Variants in VASP observed in about 807,000 individuals in gnomAD.
The protein encoded by VASP is vasodilator-stimulated phosphoprotein.
Under a neutral mutation model 54.4 loss-of-function variants are expected in VASP, and 27 were observed. The ratio of observed to expected loss-of-function variants is 0.50; its 90% CI spans 0.37 to 0.68. The LOEUF is 0.68. VASP is among the 30% of genes least tolerant of loss of function. VASP has a pLI of 0.00. For synonymous variants in VASP, 233 were observed against 209.8 expected (o/e 1.11, Z -0.96); for missense variants, 488 against 528.3 (o/e 0.92, Z 0.75).
intron 3 of VASP, among the ~76,000 whole-genome samples, chr19:45,518,940 T>C (rs1448861465): frequency 6.6e-6 from 1 of 152,228 alleles, no homozygotes; most frequent in East Asian, 1.9e-4. Flanking sequence ...CGCGTGATTC[T>C]CGTGCCTCAG....
At chr19:45,522,686 C>G (rs773369051) in intron 6 of VASP, 32 bp from the exon 7 acceptor site, 30 of 1,600,874 alleles carry the variant, frequency 1.9e-5, no homozygotes, top group Non-Finnish European at 2.6e-5. Flanking sequence ...AGGCCTGCCC[C>G]TAAAGCTCCT....
chr19:45,522,359 C>A lies in VASP; in HGVS notation c.498C>A (p.Pro166=), dbSNP rs201984100. The change falls in exon 6 of 13, where the codon CCC becomes CCA. Residue 166 remains proline (P), a synonymous_variant. Coordinates refer to ENST00000245932, the MANE Select transcript of VASP (RefSeq NM_003370.4). ...VSNAGGPPAP[P]AGGPPPPPGP... ...TTTCAGGAGGCCCACCTGCTCCCCC[C>A]GCTGGGGGTCCACCCCCACCACCAG... 1.9e-6 allele frequency: 3 copies of A among 1,574,404 alleles called. No homozygotes were observed. Among genetic ancestry groups the A allele is most frequent in the Non-Finnish European group, 2.6e-6 (3 of 1,160,038 alleles).
chr19:45,524,038 AGATTGATTGGGGG>A lies in VASP; in HGVS notation c.911-57_911-45del, dbSNP rs370953380. The A allele has an allele frequency of 3.1e-6, 5 of 1,611,236 alleles. No individual in the cohort carries two copies. The African/African-American group carries it at 6.7e-5, about 22-fold the overall frequency. On this transcript the variant is annotated intron_variant, in intron 9 of 12. Coordinates refer to ENST00000245932, the MANE Select transcript of VASP (RefSeq NM_003370.4). ...AGGGGCTGATGAGGTTGGGGGAGTAAGATTGATTGGGGGGCAGTCTTTTGTCCCTGATCTTTCT... is the reference window on the plus strand; with the variant it reads ...AGGGGCTGATGAGGTTGGGGGAGTAAGCAGTCTTTTGTCCCTGATCTTTCT...
intron 4 of VASP, 152 bp from the exon 5 acceptor site, chr19:45,522,016 C>G (rs1298506567): frequency 2.2e-6 from 2 of 920,430 alleles, no homozygotes; most frequent in Non-Finnish European, 3.2e-6. Flanking sequence ...CACCCAGCCC[C>G]CTTCTTGGTT....
chr19:45,507,513 C>A lies in VASP; in HGVS notation c.-259C>A, dbSNP rs895923212. 1 of 503,174 alleles carries A rather than the reference C, an allele frequency of 2.0e-6. No homozygotes were observed. Among genetic ancestry groups the A allele is most frequent in the Admixed American group, 4.1e-5 (1 of 24,458 alleles). 31.2% of individuals were successfully genotyped at this position (503,174 alleles called of 1,614,324 possible). On this transcript the variant is annotated 5_prime_UTR_variant, in exon 1 of 13. Transcript: ENST00000245932. This position sits in a 1 kb window ranked among gnomAD's most constrained non-coding sequence, Gnocchi z 4.4. The stretch of plus-strand genomic sequence containing the variant: ...AGAGTAACACTGTAGCCGCCACCGG[C>A]AAGGGGTGCGCGCTGGGGAGCGGAC...
chr19:45,519,925 T>G (rs1185353676), intron 3 of VASP, among the ~76,000 whole-genome samples: 1 of 111,658 alleles, frequency 9.0e-6, no homozygotes, highest in African/African-American at 4.1e-5. Flanking sequence ...TTTTTTTTAA[T>G]ATGGAGTCTC....
chr19:45,520,638 G>C (rs894713658), intron 3 of VASP, among the ~76,000 whole-genome samples: 39 of 152,190 alleles, frequency 2.6e-4, no homozygotes, highest in Admixed American at 1.3e-3. Flanking sequence ...CAGGTTCTTA[G>C]GTAAGGTCCA....
chr19:45,513,788 T>G (rs1352469568), intron 1 of VASP, among the ~76,000 whole-genome samples: 2 of 151,874 alleles, frequency 1.3e-5, no homozygotes, highest in African/African-American at 4.8e-5. Flanking sequence ...AATCTCAAAC[T>G]CTTGGGCTCA....
chr19:45,519,596 C>CTTTTT (rs35957572), intron 3 of VASP, among the ~76,000 whole-genome samples: 1 of 123,282 alleles, frequency 8.1e-6, no homozygotes, highest in African/African-American at 3.1e-5. Flanking sequence ...AGCCCAGTTG[C>CTTTTT]TTTTTTTTTT....
At chr19:45,516,983 CAAAAAAAA>C (rs112095290) in intron 1 of VASP, among the ~76,000 whole-genome samples, 17,983 of 57,948 alleles carry the variant, frequency 0.31, 1,623 homozygotes, top group East Asian at 0.51. Flanking sequence ...GACTCTGTCT[CAAAAAAAA>C]AAAAAAAAAA....
rs57892194 is a variant in VASP at position 45,519,894 on chromosome 19, C to CTTTTTTTTTTT, written c.344-1410_344-1400dup. On this transcript the variant is annotated intron_variant, in intron 3 of 12. Transcript: ENST00000245932. ...ACAGGCGTGAGCCACTGCGCCCGGC[C>CTTTTTTTTTTT]TTTTTTTTTTTTTTTTTTTTTTTTT... is the stretch of plus-strand genomic sequence containing the variant. Among the ~76,000 whole-genome samples the CTTTTTTTTTTT allele has an allele frequency of 3.9e-4, 20 of 50,990 alleles. 4 individuals are homozygous for CTTTTTTTTTTT. The highest frequency in any genetic ancestry group is 1.5e-3 in the African/African-American group (15 of 10,220). The allele number at this position is 50,990 out of a possible 152,430, so 33.5% of individuals were successfully genotyped here. A position where few individuals can be genotyped will look rare whatever the true frequency, so the allele number is the denominator to read the frequency against.
chr19:45,518,213 T>C (rs1968751625), intron 3 of VASP, 119 bp downstream of exon 3: 2 of 1,377,096 alleles, frequency 1.5e-6, no homozygotes, highest in South Asian at 1.5e-5. Flanking sequence ...TTCATTGTTA[T>C]CATGGAAAAT....
chr19:45,523,190 A>AT (rs61288703), intron 7 of VASP, among the ~76,000 whole-genome samples: 8,695 of 74,360 alleles, frequency 0.12, 2,150 homozygotes, highest in African/African-American at 0.13. Context: ...AATCTCTTGA[A>AT]TTTTTTTTTT....
chr19:45,509,387 C>T (rs1568632912), intron 1 of VASP, among the ~76,000 whole-genome samples: 1 of 142,540 alleles, frequency 7.0e-6, no homozygotes, highest in Non-Finnish European at 1.6e-5. Flanking sequence ...AGCCCCGCCC[C>T]TCCACCCCCC....
intron 1 of VASP, among the ~76,000 whole-genome samples, chr19:45,509,517 C>CCCA (rs3038808): frequency 6.6e-5 from 10 of 151,044 alleles, no homozygotes; most frequent in South Asian, 4.2e-4. Context: ...CCCTGTCCTC[C>CCCA]CCACCACCAC....
At chr19:45,513,041 A>T (rs2122291585) in intron 1 of VASP, among the ~76,000 whole-genome samples, 1 of 152,302 alleles carries the variant, frequency 6.6e-6, no homozygotes, top group South Asian at 2.1e-4. Context: ...CCCTCTGCTT[A>T]CTTGCTGTGT....
Position 45,522,349 on chromosome 19 carries a change from C to T in VASP, c.488C>T (p.Pro163Leu), listed in dbSNP as rs200213258. Reference protein sequence around the residue: ...ERRVSNAGGPPAPPAGGPPPP... With the variant: ...ERRVSNAGGPLAPPAGGPPPP... ...TCTGTGTTTGTTTCAGGAGGCCCAC[C>T]TGCTCCCCCCGCTGGGGGTCCACCC... The change falls in exon 6 of 13, where the codon CCT becomes CTT. Residue 163 changes from proline to leucine, a missense_variant. Pro to Leu is a moderately conservative substitution (Grantham distance 98, BLOSUM62 -3). Coordinates refer to ENST00000245932, the MANE Select transcript of VASP (RefSeq NM_003370.4). The T allele has an allele frequency of 3.5e-4, 563 of 1,591,712 alleles. 1 individual carries two copies. Among genetic ancestry groups the T allele is most frequent in the Non-Finnish European group, 4.7e-4 (555 of 1,169,536 alleles).
intron 2 of VASP, 21 bp from the exon 3 acceptor site, chr19:45,517,908 C>T (rs750234916): frequency 4.4e-6 from 7 of 1,605,826 alleles, no homozygotes; most frequent in African/African-American, 2.7e-5. Context: ...CGCCCCTCAC[C>T]CCCCTTTCCC....
intron 3 of VASP, among the ~76,000 whole-genome samples, chr19:45,520,695 G>T (rs1464321038): frequency 6.6e-6 from 1 of 152,198 alleles, no homozygotes; most frequent in African/African-American, 2.4e-5. Flanking sequence ...CAGGTGCGGT[G>T]GCTCACGCCT....
Sources: gnomAD v4.1 joint callset for allele counts (sites outside exome capture counted in the v4.1 genomes callset) on GRCh38, gnomAD v4.1.1 for gene constraint, Gnocchi (gnomAD v3.1) non-coding constraint, MANE v1.5 for transcripts, NCBI Gene and HGNC (gene_info 2026-07-23, HGNC 2026-07-21) for gene names.